ITCH: variants seen among roughly 807,000 people sequenced by gnomAD.
The protein encoded by ITCH is itchy E3 ubiquitin protein ligase, also known as E3 ubiquitin-protein ligase Itchy homolog.
Under a neutral mutation model 126.8 loss-of-function variants are expected in ITCH, and 28 were observed. The ratio of observed to expected loss-of-function variants is 0.22; its 90% CI spans 0.16 to 0.30. ITCH has a LOEUF of 0.30. ITCH is among the 10% of genes least tolerant of loss of function. The pLI is 1.00. For synonymous variants in ITCH, 342 were observed against 340.0 expected (o/e 1.01, Z -0.06); for missense variants, 631 against 1,032.4 (o/e 0.61, Z 5.33).
chr20:34,495,801 C>G (rs1989838599), intron 23 of ITCH, among the ~76,000 whole-genome samples: 1 of 151,538 alleles, frequency 6.6e-6, no homozygotes, highest in Non-Finnish European at 1.5e-5. Context: ...GATGAATGCC[C>G]CATAGTGGGA....
intron 13 of ITCH, among the ~76,000 whole-genome samples, chr20:34,461,120 C>T (rs1986463842): frequency 6.6e-6 from 1 of 152,034 alleles, no homozygotes; most frequent in East Asian, 1.9e-4. Context: ...CAGATCATAT[C>T]TTATTTAAGG....
At chr20:34,404,861 T>A (rs564796438) in intron 3 of ITCH, among the ~76,000 whole-genome samples, 1 of 152,264 alleles carries the variant, frequency 6.6e-6, no homozygotes, top group South Asian at 2.1e-4. Context: ...AGGCCAGGCC[T>A]GGTGGCTCAT....
rs912757130 is a variant in ITCH, at chr20:34,508,476, TACAA to T, written c.*687_*690del. On this transcript the variant is annotated 3_prime_UTR_variant, in exon 25 of 25. Coordinates refer to ENST00000374864, the MANE Select transcript of ITCH (RefSeq NM_031483.7). Reference sequence around the variant, plus strand: ...CAGTTGCCTGACAAATACTACACTTTACAAACAATGTTAACACTGTGATTCCTTC... The same window carrying T: ...CAGTTGCCTGACAAATACTACACTTTACAATGTTAACACTGTGATTCCTTC... 31 of 156,416 alleles carry T rather than the reference TACAA, an allele frequency of 2.0e-4. No homozygotes were observed. The highest frequency in any genetic ancestry group is 3.4e-3 in the Middle Eastern group (1 of 294). 9.7% of individuals were successfully genotyped at this position (156,416 alleles called of 1,614,324 possible). A position where few individuals can be genotyped will look rare whatever the true frequency, so the allele number is the denominator to read the frequency against.
chr20:34,379,432 T>C (rs1159429796), intron 2 of ITCH, among the ~76,000 whole-genome samples: 2 of 152,148 alleles, frequency 1.3e-5, no homozygotes, highest in Non-Finnish European at 2.9e-5. Context: ...TATCGGTCTC[T>C]AGAACTTTTT....
chr20:34,437,533 CTGCGCT>C (rs1309818847), intron 7 of ITCH, among the ~76,000 whole-genome samples: 3 of 152,208 alleles, frequency 2.0e-5, no homozygotes. Flanking sequence ...TCTGTCACTC[CTGCGCT>C]TAAGTGATCC....
At chr20:34,484,037 T>G (rs1211315223) in intron 20 of ITCH, among the ~76,000 whole-genome samples, 3 of 152,128 alleles carry the variant, frequency 2.0e-5, no homozygotes, top group African/African-American at 7.2e-5. Flanking sequence ...GAGAACAACA[T>G]GAGAAAGGCC....
chr20:34,502,401 A>C (rs1015152620), intron 23 of ITCH, among the ~76,000 whole-genome samples: 1 of 152,034 alleles, frequency 6.6e-6, no homozygotes, highest in Non-Finnish European at 1.5e-5. Flanking sequence ...GTCTTAAAAA[A>C]AAAAAAAATT....
At chr20:34,495,783 TTTC>T (rs1440523883) in intron 23 of ITCH, among the ~76,000 whole-genome samples, 1 of 152,052 alleles carries the variant, frequency 6.6e-6, no homozygotes, top group African/African-American at 2.4e-5. Context: ...CTGATTTCCT[TTTC>T]TTTAGATGAA....
chr20:34,490,383 C>T (rs1423376312), intron 22 of ITCH, among the ~76,000 whole-genome samples: 11 of 152,150 alleles, frequency 7.2e-5, no homozygotes, highest in South Asian at 4.1e-4. Flanking sequence ...ATCAAAACCA[C>T]AGTGAGGCTG....
intron 7 of ITCH, among the ~76,000 whole-genome samples, chr20:34,427,304 G>T (rs1268275233): frequency 6.6e-6 from 1 of 152,028 alleles, no homozygotes; most frequent in Non-Finnish European, 1.5e-5. Context: ...AAATCAATGG[G>T]GCCGGTCATG....
intron 7 of ITCH, among the ~76,000 whole-genome samples, chr20:34,436,858 G>A (rs1228299386): frequency 6.6e-6 from 1 of 152,218 alleles, no homozygotes; most frequent in Non-Finnish European, 1.5e-5. Flanking sequence ...GGTACGCAGT[G>A]GCTCGTGCCT....
Position 34,445,383 on chromosome 20 carries a change from G to C in ITCH, c.1062G>C (p.Arg354=), listed in dbSNP as rs759794115. The change falls in exon 11 of 25, where the codon CGG becomes CGC. Residue 354 remains arginine (R), a synonymous_variant. Coordinates refer to ENST00000374864, the MANE Select transcript of ITCH (RefSeq NM_031483.7). ...TWQRPTLESV[R]NYEQWQLQRS... ...AGAGGCCAACACTGGAATCCGTCCG[G>C]AACTATGAACAATGGCAGCTACAGC... The C allele has an allele frequency of 6.2e-7, 1 of 1,613,998 alleles. No homozygotes were observed. The highest frequency in any genetic ancestry group is 1.1e-5 in the South Asian group (1 of 91,078).
chr20:34,447,050 T>C (rs1352195223), intron 11 of ITCH, among the ~76,000 whole-genome samples: 1 of 152,174 alleles, frequency 6.6e-6, no homozygotes. Context: ...CTTTATCTCA[T>C]TTTTGCATTA....
chr20:34,449,877 C>T (rs879352201), intron 12 of ITCH, among the ~76,000 whole-genome samples: 2 of 151,950 alleles, frequency 1.3e-5, no homozygotes, highest in Non-Finnish European at 2.9e-5. Flanking sequence ...CTCAAAATGA[C>T]AAAACTAGAG....
intron 3 of ITCH, among the ~76,000 whole-genome samples, chr20:34,400,749 CCTTACCTA>C (rs1330859218): frequency 1.3e-5 from 2 of 150,826 alleles, no homozygotes; most frequent in African/African-American, 4.9e-5. Flanking sequence ...ATGCCCACCC[CCTTACCTA>C]CTTATTTATT....
intron 9 of ITCH, chr20:34,441,639 G>A (rs559685460): frequency 6.5e-6 from 1 of 154,364 alleles, no homozygotes; most frequent in Admixed American, 6.1e-5. Flanking sequence ...AGGCTGGAGT[G>A]CAATGATGCA....
chr20:34,506,851 C>T (rs1022035234), intron 24 of ITCH, among the ~76,000 whole-genome samples: 3 of 152,206 alleles, frequency 2.0e-5, no homozygotes, highest in African/African-American at 7.2e-5. Context: ...GCTTATTTCA[C>T]TTAGAATAAT....
intron 17 of ITCH, 95 bp from the exon 18 acceptor site, chr20:34,479,535 T>C: frequency 1.1e-6 from 1 of 936,454 alleles, no homozygotes; most frequent in Non-Finnish European, 1.7e-6. Flanking sequence ...TATCACTAGC[T>C]GAGGGGTATA....
chr20:34,492,799 C>T (rs1159385123), intron 23 of ITCH, among the ~76,000 whole-genome samples: 2 of 152,168 alleles, frequency 1.3e-5, no homozygotes, highest in African/African-American at 4.8e-5. Context: ...AAGCTAGAAC[C>T]CACAGCTAAC....
Sources: allele counts gnomAD v4.1 joint callset (sites outside exome capture counted in the v4.1 genomes callset), GRCh38; gene constraint gnomAD v4.1.1; transcripts MANE v1.5; gene names NCBI Gene and HGNC (gene_info 2026-07-23, HGNC 2026-07-21).